STRBP: variants seen among roughly 807,000 people sequenced by gnomAD.
STRBP encodes spermatid perinuclear RNA-binding protein.
STRBP carries 13 observed loss-of-function variants against 80.1 expected under a neutral mutation model. The ratio of observed to expected loss-of-function variants is 0.16; its 90% CI spans 0.11 to 0.26. The LOEUF is 0.26. Ranked by LOEUF, STRBP falls within the 10% of genes least tolerant of loss-of-function variation. The probability of loss-of-function intolerance (pLI) is 1.00; values close to 1 mark genes in which losing one functional copy is unlikely to be tolerated. For missense variants in STRBP, 485 were observed against 815.2 expected (o/e 0.59, Z 4.93); for synonymous variants, 284 against 291.2 (o/e 0.98, Z 0.25).
chr9:123,235,953 C>T (rs1449213102), intron 2 of STRBP, among the ~76,000 whole-genome samples: 1 of 152,192 alleles, frequency 6.6e-6, no homozygotes, highest in South Asian at 2.1e-4. Context: ...AATCCATCTG[C>T]ACAAATACTT....
intron 2 of STRBP, among the ~76,000 whole-genome samples, chr9:123,191,078 CA>C (rs2038906753): frequency 6.6e-6 from 1 of 152,050 alleles, no homozygotes; most frequent in African/African-American, 2.4e-5. Context: ...GGGAAATAAT[CA>C]AAAGACAATA....
chr9:123,232,947 G>A (rs971950767), intron 2 of STRBP, among the ~76,000 whole-genome samples: 4 of 152,186 alleles, frequency 2.6e-5, no homozygotes, highest in African/African-American at 9.7e-5. Context: ...GCACCATGAA[G>A]GCAGAAACTG....
chr9:123,165,004 C>T (rs905919281), intron 6 of STRBP, among the ~76,000 whole-genome samples: 4 of 151,662 alleles, frequency 2.6e-5, no homozygotes, highest in Non-Finnish European at 4.4e-5. Flanking sequence ...CTGGATTGAC[C>T]GGGCACGGTG....
chr9:123,127,288 A>G (rs1017824920), intron 18 of STRBP, among the ~76,000 whole-genome samples: 1 of 152,248 alleles, frequency 6.6e-6, no homozygotes, highest in Non-Finnish European at 1.5e-5. Context: ...GAAAATGCAC[A>G]ATGCGAAGGT....
rs1167787317 is a variant in STRBP at position 123,115,520 on chromosome 9, T to A, written c.*84+409A>T. 1.3e-5 allele frequency: 5 copies of A among 379,358 alleles called. No homozygotes were observed. The Admixed American group carries it at 1.7e-4, about 13-fold the overall frequency. The allele number at this position is 379,358 out of a possible 1,614,324, so 23.5% of individuals were successfully genotyped here. A position where few individuals can be genotyped will look rare whatever the true frequency, so the allele number is the denominator to read the frequency against. Reference sequence around the variant, plus strand: ...GTACTCTCCATCTGGGTCAATGATTTCACCTTCTACTCAGTTGTCTAAGCT... The same window carrying A: ...GTACTCTCCATCTGGGTCAATGATTACACCTTCTACTCAGTTGTCTAAGCT... On this transcript the variant is annotated intron_variant and NMD_transcript_variant, in intron 3 of 3. Coordinates refer to the STRBP transcript ENST00000471564. The surrounding 1 kb of genome is among the most constrained non-coding windows in gnomAD (Gnocchi z 5.0).
At chr9:123,197,195 T>C (rs114489710) in intron 2 of STRBP, among the ~76,000 whole-genome samples, 2,163 of 152,122 alleles carry the variant, frequency 0.014, 51 homozygotes, top group African/African-American at 0.049. Context: ...AATTAAACAA[T>C]TAAACTCAAA....
intron 16 of STRBP, among the ~76,000 whole-genome samples, chr9:123,133,814 T>A (rs1237087273): frequency 2.0e-5 from 3 of 152,130 alleles, no homozygotes; most frequent in Non-Finnish European, 2.9e-5. Flanking sequence ...AGTGCTGGGA[T>A]TACAGGTGTG....
chr9:123,261,323 C>G (rs2041157146), intron 1 of STRBP, among the ~76,000 whole-genome samples: 1 of 152,214 alleles, frequency 6.6e-6, no homozygotes, highest in Non-Finnish European at 1.5e-5. Flanking sequence ...GCTCAGCCAT[C>G]AATCTTCCTT....
chr9:123,205,286 T>C (rs903432511), intron 2 of STRBP, among the ~76,000 whole-genome samples: 1 of 152,070 alleles, frequency 6.6e-6, no homozygotes, highest in African/African-American at 2.4e-5. Flanking sequence ...AGAATTCAAA[T>C]ATTCTCTGTC....
intron 16 of STRBP, 107 bp downstream of exon 16, chr9:123,135,934 A>T: frequency 6.9e-7 from 1 of 1,455,374 alleles, no homozygotes; most frequent in South Asian, 1.3e-5. Flanking sequence ...AGTCCAAGAA[A>T]AGGAAACAAC....
chr9:123,224,836 C>A (rs745745995), intron 2 of STRBP, among the ~76,000 whole-genome samples: 1 of 152,124 alleles, frequency 6.6e-6, no homozygotes, highest in African/African-American at 2.4e-5. Flanking sequence ...ATACACAGAA[C>A]CCATGACCCA....
At chr9:123,256,018 C>CTTTTTTTTTTTTTTTTTTTTTTTTT (rs11338372) in intron 1 of STRBP, among the ~76,000 whole-genome samples, 1 of 71,488 alleles carries the variant, frequency 1.4e-5, no homozygotes. Flanking sequence ...TCCTTTCTTT[C>CTTTTTTTTTTTTTTTTTTTTTTTTT]TTTTTTTTTT....
intron 17 of STRBP, among the ~76,000 whole-genome samples, chr9:123,131,936 C>T (rs2036154171): frequency 6.6e-6 from 1 of 152,198 alleles, no homozygotes; most frequent in South Asian, 2.1e-4. Context: ...CTGGATAAGA[C>T]CCAATCTTCA....
intron 2 of STRBP, among the ~76,000 whole-genome samples, chr9:123,227,525 A>G (rs1564319106): frequency 6.7e-6 from 1 of 149,508 alleles, no homozygotes; most frequent in African/African-American, 2.5e-5. Context: ...CAGAAAATGC[A>G]TATGATCTGA....
At chr9:123,177,168 T>G (rs1287352223) in intron 4 of STRBP, among the ~76,000 whole-genome samples, 4 of 152,186 alleles carry the variant, frequency 2.6e-5, no homozygotes, top group Non-Finnish European at 5.9e-5. Flanking sequence ...CTGCACTCCT[T>G]GAGTTCCACC....
At chr9:123,220,385 A>G (rs557158535) in intron 2 of STRBP, among the ~76,000 whole-genome samples, 1 of 152,322 alleles carries the variant, frequency 6.6e-6, no homozygotes, top group African/African-American at 2.4e-5. Context: ...TATTCTACCA[A>G]ATACGGTTGT....
chr9:123,230,918 C>T (rs1052553218), intron 2 of STRBP, among the ~76,000 whole-genome samples: 2 of 152,020 alleles, frequency 1.3e-5, no homozygotes, highest in Non-Finnish European at 2.9e-5. Context: ...AATAATTGTA[C>T]CCAAAACAAA....
At chr9:123,191,764 T>C (rs2038935163) in intron 2 of STRBP, among the ~76,000 whole-genome samples, 1 of 152,210 alleles carries the variant, frequency 6.6e-6, no homozygotes, top group East Asian at 1.9e-4. Context: ...AATTTGGTCA[T>C]GGGTCAGTTT....
intron 1 of STRBP, among the ~76,000 whole-genome samples, chr9:123,241,969 T>A (rs1188398154): frequency 6.6e-6 from 1 of 152,184 alleles, no homozygotes; most frequent in African/African-American, 2.4e-5. Flanking sequence ...TTCATTACAC[T>A]CCAGACACCC....
Sources: gnomAD v4.1 joint callset for allele counts (sites outside exome capture counted in the v4.1 genomes callset) on GRCh38, gnomAD v4.1.1 for gene constraint, Gnocchi (gnomAD v3.1) non-coding constraint, MANE v1.5 for transcripts, NCBI Gene and HGNC (gene_info 2026-07-23, HGNC 2026-07-21) for gene names.